The following ADAMTS4 variants were observed in gnomAD, a reference collection of about 807,000 sequenced individuals.
ADAMTS4 encodes A disintegrin and metalloproteinase with thrombospondin motifs 4.
A neutral mutation model predicts 66.7 loss-of-function variants in ADAMTS4; 38 were observed. That is an observed-to-expected ratio of 0.57 (90% CI 0.44 to 0.75). The LOEUF is 0.75. Ranked by LOEUF, ADAMTS4 falls within the 30% of genes least tolerant of loss-of-function variation. The probability of loss-of-function intolerance (pLI) is 0.00; values close to 1 mark genes in which losing one functional copy is unlikely to be tolerated. For synonymous variants in ADAMTS4, 418 were observed against 461.5 expected, an observed-to-expected ratio of 0.91 and a Z score of 1.21; for missense variants, 1,014 against 1,116.7, an observed-to-expected ratio of 0.91 and a Z score of 1.31.
Position 161,198,631 on chromosome 1 carries a change from A to C in ADAMTS4, c.-4T>G, listed in dbSNP as rs1005073214. 2 of 1,505,526 alleles carry C rather than the reference A, an allele frequency of 1.3e-6. No individual in the cohort carries two copies. Among genetic ancestry groups the C allele is most frequent in the Admixed American group, 4.3e-5 (2 of 46,828 alleles). 93.3% of individuals were successfully genotyped at this position (1,505,526 alleles called of 1,614,324 possible). Reference sequence around the variant, plus strand: ...GATGCGAGCCTGTCTGGGACATGGCACTGGTACTGCAGCTGGGAGGGACTG... The same window carrying C: ...GATGCGAGCCTGTCTGGGACATGGCCCTGGTACTGCAGCTGGGAGGGACTG... On this transcript the variant is annotated 5_prime_UTR_variant, in exon 1 of 9. Transcript: ENST00000367996. This position sits in a 1 kb window ranked among gnomAD's most constrained non-coding sequence, Gnocchi z 4.7.
rs932421855 is a variant in ADAMTS4, at chr1:161,193,602, G to C, written c.1735+38C>G. On this transcript the variant is annotated intron_variant, in intron 6 of 8. Transcript: ENST00000367996. The surrounding 1 kb of genome is among the most constrained non-coding windows in gnomAD (Gnocchi z 4.4). ...AAGGGACAGTCCTTCCTGCTCTACT[G>C]TCCCCTCCCAAGGGCTCCCATCCCC... 2 of 1,580,062 alleles carry C rather than the reference G, an allele frequency of 1.3e-6. No individual in the cohort carries two copies. Among genetic ancestry groups the C allele is most frequent in the African/African-American group, 1.3e-5 (1 of 74,378 alleles).
rs1451657156 is a variant in ADAMTS4, at chr1:161,198,607, A to G, written c.21T>C (p.His7=). The change falls in exon 1 of 9, where the codon CAT becomes CAC. Residue 7 remains histidine, a synonymous_variant. Coordinates refer to ENST00000367996, the MANE Select transcript of ADAMTS4 (RefSeq NM_005099.6). The surrounding 1 kb of genome is among the most constrained non-coding windows in gnomAD (Gnocchi z 4.7). ...AGCGCCCTGCCAAGCCCCTCCCGGG[A>G]TGCGAGCCTGTCTGGGACATGGCAC... MSQTGS[H]PGRGLAGRWL... The G allele has an allele frequency of 2.6e-6, 4 of 1,533,912 alleles. No homozygotes were observed. In the South Asian group the frequency reaches 5.0e-5, roughly 19 times the overall value.
At chr1:161,192,042 G>A (rs1457971320) in intron 8 of ADAMTS4, 23 bp downstream of exon 8, 1 of 1,612,132 alleles carries the variant, frequency 6.2e-7, no homozygotes, top group Non-Finnish European at 8.5e-7. Context: ...GGAAGGTAGA[G>A]GGAGGAATGA....
rs1227427462 is a variant in ADAMTS4, at chr1:161,187,946, T to TTTA, written c.*3191_*3192insTAA. On this transcript the variant is annotated 3_prime_UTR_variant, in exon 9 of 9. Coordinates refer to ENST00000367996, the MANE Select transcript of ADAMTS4 (RefSeq NM_005099.6). ...ACACATAGAGGACTGCCCAAGTTCT[T>TTTA]TTTTTTTTTTTTTTTTTTTTTGAGA... 8.0e-6 allele frequency: 1 copy of TTTA among 124,944 alleles called. No individual in the cohort carries two copies. Among genetic ancestry groups the TTTA allele is most frequent in the Non-Finnish European group, 1.7e-5 (1 of 57,498 alleles). 7.7% of individuals were successfully genotyped at this position (124,944 alleles called of 1,614,324 possible).
rs769295102 is a variant in ADAMTS4 at position 161,191,097 on chromosome 1, C to G, written c.*41G>C. ...GCTCTCTCTTTCTCCCAGCTAAGTC[C>G]GAGGCCCCGGTGCCCAGAAAGGGCA... On this transcript the variant is annotated 3_prime_UTR_variant, in exon 9 of 9. Coordinates refer to ENST00000367996, the MANE Select transcript of ADAMTS4 (RefSeq NM_005099.6). The G allele has an allele frequency of 1.3e-6, 2 of 1,510,284 alleles. No homozygotes were observed. Among genetic ancestry groups the G allele is most frequent in the African/African-American group, 2.8e-5 (2 of 71,678 alleles). 93.6% of individuals were successfully genotyped at this position (1,510,284 alleles called of 1,614,324 possible). A position where few individuals can be genotyped will look rare whatever the true frequency, so the allele number is the denominator to read the frequency against.
At position 161,187,923 on chromosome 1, in the gene ADAMTS4, A is replaced by C. The variant is rs1664571747; in HGVS notation, c.*3215T>G. 6.7e-6 allele frequency: 1 copy of C among 149,910 alleles called. No homozygotes were observed. Among genetic ancestry groups the C allele is most frequent in the Admixed American group, 6.7e-5 (1 of 14,886 alleles). The allele number at this position is 149,910 out of a possible 1,614,324, so 9.3% of individuals were successfully genotyped here. Reference sequence around the variant, plus strand: ...TGCCCATCCCTGTTCCATCCATGACACATAGAGGACTGCCCAAGTTCTTTT... The same window carrying C: ...TGCCCATCCCTGTTCCATCCATGACCCATAGAGGACTGCCCAAGTTCTTTT... On this transcript the variant is annotated 3_prime_UTR_variant, in exon 9 of 9. Transcript: ENST00000367996.
intron 8 of ADAMTS4, among the ~76,000 whole-genome samples, 177 bp downstream of exon 8, chr1:161,191,888 C>T (rs1459461846): frequency 6.6e-6 from 1 of 152,202 alleles, no homozygotes; most frequent in East Asian, 1.9e-4. Flanking sequence ...AGGGCACTCA[C>T]AACACCCTGT....
Position 161,196,309 on chromosome 1 carries a change from G to T in ADAMTS4, c.958-6C>A. 1 of 1,604,016 alleles carries T rather than the reference G, an allele frequency of 6.2e-7. No individual in the cohort carries two copies. The stretch of plus-strand genomic sequence containing the variant: ...GTGGAGACTCCACACAGGTCCTGTG[G>T]AGAGGGATCATAGAAGGTGCATAGA... On this transcript the variant is annotated splice_region_variant and splice_polypyrimidine_tract_variant and intron_variant, in intron 2 of 8. Coordinates refer to ENST00000367996, the MANE Select transcript of ADAMTS4 (RefSeq NM_005099.6).
At position 161,198,009 on chromosome 1, in the gene ADAMTS4, G is replaced by A; in HGVS notation, c.619C>T (p.Pro207Ser). Reference sequence around the variant, plus strand: ...GAGATGCCTACCTTGGCTCTTCGGGGTCTGGGGCTGGGGCTTCCAAGAGGA... The same window carrying A: ...GAGATGCCTACCTTGGCTCTTCGGGATCTGGGGCTGGGGCTTCCAAGAGGA... ...KAPLGSPSPRPRRAKRFASLS... is the reference protein window; with the variant it reads ...KAPLGSPSPRSRRAKRFASLS... The change falls in exon 1 of 9, where the codon CCC becomes TCC. Residue 207 changes from proline (P) to serine (S), a missense_variant. Pro to Ser is a moderately conservative substitution (Grantham distance 74, BLOSUM62 -1). Coordinates refer to ENST00000367996, the MANE Select transcript of ADAMTS4 (RefSeq NM_005099.6). The surrounding 1 kb of genome is among the most constrained non-coding windows in gnomAD (Gnocchi z 4.7). 2 of 1,565,482 alleles carry A rather than the reference G, an allele frequency of 1.3e-6. No individual in the cohort carries two copies. The highest frequency in any genetic ancestry group is 1.8e-5 in the Admixed American group (1 of 55,644).
At chr1:161,196,085 G>C in intron 3 of ADAMTS4, 86 bp downstream of exon 3, 3 of 1,472,004 alleles carry the variant, frequency 2.0e-6, no homozygotes, top group Non-Finnish European at 2.7e-6. Context: ...GAATACCTTG[G>C]GACCCCCATT....
In ADAMTS4 at chr1:161,190,977, G is replaced by A. The variant is rs1315020664; in HGVS notation, c.*161C>T. On this transcript the variant is annotated 3_prime_UTR_variant, in exon 9 of 9. Coordinates refer to ENST00000367996, the MANE Select transcript of ADAMTS4 (RefSeq NM_005099.6). ...ACTGCCTCCCAGGGCAGGAAACCAG[G>A]GCAGGGCCAGCCTGCGCATTAGGGC... is the stretch of plus-strand genomic sequence containing the variant. 3.7e-6 allele frequency: 3 copies of A among 807,098 alleles called. No individual in the cohort carries two copies. In the East Asian group the frequency reaches 8.2e-5, roughly 22 times the overall value. The allele number at this position is 807,098 out of a possible 1,614,324, so 50.0% of individuals were successfully genotyped here. A position where few individuals can be genotyped will look rare whatever the true frequency, so the allele number is the denominator to read the frequency against.
chr1:161,198,085 T>A lies in ADAMTS4; in HGVS notation c.543A>T (p.Leu181=). Residue 181 remains leucine (L), a synonymous_variant, in exon 1 of 9, where the codon CTA becomes CTT. Coordinates refer to ENST00000367996, the MANE Select transcript of ADAMTS4 (RefSeq NM_005099.6). This position sits in a 1 kb window ranked among gnomAD's most constrained non-coding sequence, Gnocchi z 4.7. ...GACCGCTGGCAGGACTCTTCCGGCG[T>A]AGGATGTGAGCCCCAGGTCCCCCAG... ...NSAGGPGAHI[L]RRKSPASGQG... The A allele has an allele frequency of 1.2e-6, 2 of 1,613,078 alleles. No homozygotes were observed. Among genetic ancestry groups the A allele is most frequent in the Non-Finnish European group, 1.7e-6 (2 of 1,179,366 alleles).
At chr1:161,195,336 T>C (rs1053244383) in intron 4 of ADAMTS4, 129 bp downstream of exon 4, 2 of 958,490 alleles carry the variant, frequency 2.1e-6, no homozygotes, top group African/African-American at 1.7e-5. Context: ...TTCTCACCCC[T>C]TCCCACACTG....
chr1:161,191,245 G>A lies in ADAMTS4; in HGVS notation c.2407C>T (p.Pro803Ser), dbSNP rs1279648221. The change falls in exon 9 of 9, where the codon CCC becomes TCC. Residue 803 changes from proline to serine, a missense_variant. Coordinates refer to ENST00000367996, the MANE Select transcript of ADAMTS4 (RefSeq NM_005099.6). The stretch of plus-strand genomic sequence containing the variant: ...CGTGGCGTTGAAGGGGTCGGCCGGG[G>A]CACGAAGAAGCTGTATCGGAGGCGT... Reference protein sequence around the residue: ...DTRLRYSFFVPRPTPSTPRPT... With the variant: ...DTRLRYSFFVSRPTPSTPRPT... 1 of 1,613,436 alleles carries A rather than the reference G, an allele frequency of 6.2e-7. No homozygotes were observed. The highest frequency in any genetic ancestry group is 2.2e-5 in the East Asian group (1 of 44,896).
In ADAMTS4 at chr1:161,196,172, C is replaced by G; in HGVS notation, c.1089G>C (p.Leu363=). Residue 363 remains leucine, a splice_region_variant and synonymous_variant, in exon 3 of 9, where the codon CTG becomes CTC. Coordinates refer to ENST00000367996, the MANE Select transcript of ADAMTS4 (RefSeq NM_005099.6). Reference sequence around the variant, plus strand: ...CTTTCTCATCCACCCCTACTTTACCCAGTTCATGAGCAGCAGTGAAGGCTG... The same window carrying G: ...CTTTCTCATCCACCCCTACTTTACCGAGTTCATGAGCAGCAGTGAAGGCTG... ...LQSAFTAAHE[L]GHVFNMLHDN... 1.0e-5 allele frequency: 16 copies of G among 1,598,790 alleles called. No individual in the cohort carries two copies. Among genetic ancestry groups the G allele is most frequent in the Non-Finnish European group, 1.4e-5 (16 of 1,172,884 alleles).
rs114264712 is a variant in ADAMTS4, at chr1:161,193,998, G to A, written c.1485C>T (p.Cys495=). ...CACCCATGCAGGCCTGTGCGGGCCCGCAGGGTGTGCCATCGGCCCAGGGCG... is the reference window on the plus strand; with the variant it reads ...CACCCATGCAGGCCTGTGCGGGCCCACAGGGTGTGCCATCGGCCCAGGGCG... ...KHSPWADGTP[C]GPAQACMGGR... is the part of the protein sequence containing the mutation. The change falls in exon 5 of 9, where the codon TGC becomes TGT. Residue 495 remains cysteine, a synonymous_variant. Transcript: ENST00000367996. This position sits in a 1 kb window ranked among gnomAD's most constrained non-coding sequence, Gnocchi z 4.4. 6,964 of 1,612,326 alleles carry A rather than the reference G, an allele frequency of 4.3e-3. 74 individuals are homozygous for A. The highest frequency in any genetic ancestry group is 0.021 in the South Asian group (1,926 of 90,934).
chr1:161,195,383 T>C (rs1229618894), intron 4 of ADAMTS4, 82 bp downstream of exon 4: 1 of 1,452,200 alleles, frequency 6.9e-7, no homozygotes, highest in East Asian at 2.4e-5. Flanking sequence ...ATTTGGTCCA[T>C]GCAGAATGCA....
Position 161,185,134 on chromosome 1 carries a change from T to G in ADAMTS4, c.*6004A>C, listed in dbSNP as rs1664519584. 1 of 151,974 alleles carries G rather than the reference T, an allele frequency of 6.6e-6. No individual in the cohort carries two copies. Among genetic ancestry groups the G allele is most frequent in the African/African-American group, 2.4e-5 (1 of 41,338 alleles). The allele number at this position is 151,974 out of a possible 1,614,324, so 9.4% of individuals were successfully genotyped here. A position where few individuals can be genotyped will look rare whatever the true frequency, so the allele number is the denominator to read the frequency against. Reference sequence around the variant, plus strand: ...GGGTGCAGCACACCAGCATGGCACATGTATACATATGTAACTAACCTGCAC... The same window carrying G: ...GGGTGCAGCACACCAGCATGGCACAGGTATACATATGTAACTAACCTGCAC... On this transcript the variant is annotated 3_prime_UTR_variant, in exon 9 of 9. Coordinates refer to ENST00000367996, the MANE Select transcript of ADAMTS4 (RefSeq NM_005099.6).
Position 161,191,537 on chromosome 1 carries a change from G to A in ADAMTS4, c.2115C>T (p.Ile705=). The change falls in exon 9 of 9, where the codon ATC becomes ATT. Residue 705 remains isoleucine, a synonymous_variant. Transcript: ENST00000367996. The stretch of plus-strand genomic sequence containing the variant: ...CAAGAATGTGGGTGGCCCCCGCGGG[G>A]ATAGTGACCACATTGTTGTATCCGT... ...FRYGYNNVVT[I]PAGATHILVR... 6.2e-7 allele frequency: 1 copy of A among 1,613,062 alleles called. No homozygotes were observed. The highest frequency in any genetic ancestry group is 8.5e-7 in the Non-Finnish European group (1 of 1,179,356).
Sources: allele counts gnomAD v4.1 joint callset (sites outside exome capture counted in the v4.1 genomes callset), GRCh38; gene constraint gnomAD v4.1.1; non-coding constraint Gnocchi (gnomAD v3.1); transcripts MANE v1.5; gene names NCBI Gene and HGNC (gene_info 2026-07-23, HGNC 2026-07-21).